Variants in S100PBP observed in about 807,000 individuals in gnomAD.
The protein encoded by S100PBP is S100P binding protein.
In S100PBP, 15 loss-of-function variants were observed where a neutral mutation model predicts 39.9. The observed-to-expected ratio is 0.38, with a 90% CI of 0.25 to 0.58. S100PBP has a LOEUF of 0.58. Among genes scored for constraint, S100PBP ranks in the 20% least tolerant of loss-of-function variants. The pLI, the probability that S100PBP is intolerant of heterozygous loss-of-function variation, is 0.70. For missense variants in S100PBP, 504 were observed against 487.3 expected (o/e 1.03, Z -0.32); for synonymous variants, 178 against 180.3 (o/e 0.99, Z 0.10).
intron 5 of S100PBP, among the ~76,000 whole-genome samples, chr1:32,839,443 A>T (rs1159104511): frequency 6.6e-6 from 1 of 152,220 alleles, no homozygotes; most frequent in African/African-American, 2.4e-5. Context: ...ATGCATATGC[A>T]TCTACACGTA....
chr1:32,854,072 C>A (rs1223894265), intron 6 of S100PBP, among the ~76,000 whole-genome samples: 1 of 152,118 alleles, frequency 6.6e-6, no homozygotes, highest in South Asian at 2.1e-4. Flanking sequence ...TGTGGCTGTA[C>A]AAATTTATTC....
chr1:32,854,745 T>G (rs1475980603), intron 6 of S100PBP, among the ~76,000 whole-genome samples: 1 of 152,218 alleles, frequency 6.6e-6, no homozygotes, highest in Non-Finnish European at 1.5e-5. Flanking sequence ...AAGGCCTATA[T>G]GCTTTGGCCT....
At chr1:32,845,469 C>A (rs1335452276) in intron 5 of S100PBP, among the ~76,000 whole-genome samples, 1 of 151,962 alleles carries the variant, frequency 6.6e-6, no homozygotes, top group Non-Finnish European at 1.5e-5. Context: ...TGGTATCTCA[C>A]TGTTACCCAG....
intron 5 of S100PBP, 50 bp downstream of exon 5, chr1:32,830,117 T>G (rs754117849): frequency 6.0e-6 from 7 of 1,161,636 alleles, no homozygotes; most frequent in Middle Eastern, 1.9e-4. Context: ...TGTGACTTTC[T>G]CTTTCCGGTG....
Position 32,830,037 on chromosome 1 carries a change from C to T in S100PBP, c.994C>T (p.His332Tyr). Residue 332 changes from histidine (H) to tyrosine (Y), a missense_variant, in exon 5 of 7, where the codon CAT becomes TAT. Coordinates refer to ENST00000373475, the MANE Select transcript of S100PBP (RefSeq NM_022753.4). ...KQLYLRSVIA[H>Y]IEDPEDTNQG... ...GCTTTATCTCAGGAGTGTCATTGCT[C>T]ATATAGAAGACCCAGAGGACACTAA... The T allele has an allele frequency of 6.2e-7, 1 of 1,613,026 alleles. No homozygotes were observed. Among genetic ancestry groups the T allele is most frequent in the Non-Finnish European group, 8.5e-7 (1 of 1,179,116 alleles).
chr1:32,856,413 T>A lies in S100PBP; in HGVS notation c.*375T>A, dbSNP rs956368987. 2 of 158,414 alleles carry A rather than the reference T, an allele frequency of 1.3e-5. No homozygotes were observed. The highest frequency in any genetic ancestry group is 4.8e-5 in the African/African-American group (2 of 41,510). 9.8% of individuals were successfully genotyped at this position (158,414 alleles called of 1,614,324 possible). ...TCTACTTTCTGGTACCTCAAAGAAA[T>A]CATTGTTCAATCTTCCATAAGGAAG... On this transcript the variant is annotated 3_prime_UTR_variant, in exon 7 of 7. Transcript: ENST00000373475.
chr1:32,826,142 T>G lies in S100PBP; in HGVS notation c.43T>G (p.Ser15Ala). 3 of 1,613,982 alleles carry G rather than the reference T, an allele frequency of 1.9e-6. No individual in the cohort carries two copies. The highest frequency in any genetic ancestry group is 2.5e-6 in the Non-Finnish European group (3 of 1,179,916). ...GCCCTCTGAACAGTCTTCTGGTACC[T>G]CTCTCTTGCCTAAAGACGGTGCCCC... Reference protein sequence around the residue: ...RVPSEQSSGTSLLPKDGAPFS... With the variant: ...RVPSEQSSGTALLPKDGAPFS... The change falls in exon 3 of 7, where the codon TCT (serine) becomes GCT (alanine). Residue 15 changes from serine (S) to alanine (A), a missense_variant. By Grantham distance (99) the Ser-to-Ala change is moderately conservative (BLOSUM62 1). Transcript: ENST00000373475.
At chr1:32,851,841 A>C (rs1024852730) in intron 5 of S100PBP, among the ~76,000 whole-genome samples, 1 of 152,032 alleles carries the variant, frequency 6.6e-6, no homozygotes, top group Non-Finnish European at 1.5e-5. Context: ...GTTTTACAAT[A>C]CCTCCAGTTG....
intron 4 of S100PBP, among the ~76,000 whole-genome samples, chr1:32,829,058 C>G (rs765387081): frequency 2.6e-5 from 4 of 152,156 alleles, no homozygotes. Context: ...ACTATCATCC[C>G]GAATCCCAGT....
chr1:32,850,757 CAGT>C (rs1640575831), intron 5 of S100PBP, among the ~76,000 whole-genome samples: 1 of 152,106 alleles, frequency 6.6e-6, no homozygotes. Context: ...GCTTTTTTAA[CAGT>C]AGAGAAACTT....
chr1:32,827,470 C>A (rs1294965681), intron 3 of S100PBP, among the ~76,000 whole-genome samples: 3 of 152,030 alleles, frequency 2.0e-5, no homozygotes, highest in Non-Finnish European at 4.4e-5. Context: ...GTGTAATAAT[C>A]CCTGCCACGT....
At chr1:32,850,964 GCA>G (rs1172894842) in intron 5 of S100PBP, among the ~76,000 whole-genome samples, 1 of 152,184 alleles carries the variant, frequency 6.6e-6, no homozygotes, top group Admixed American at 6.5e-5. Flanking sequence ...ACCACTCACT[GCA>G]CACACGCTGT....
At chr1:32,847,809 C>G (rs1640444731) in intron 5 of S100PBP, 1 of 152,014 alleles carries the variant, frequency 6.6e-6, no homozygotes, top group Non-Finnish European at 1.5e-5. Context: ...TAGCCCATGT[C>G]CCCTGTAGCA....
At chr1:32,817,434 A>G (rs1638784295), upstream of S100PBP, 2 of 684,762 alleles carry the variant, frequency 2.9e-6, no homozygotes, top group African/African-American at 1.8e-5. Context: ...CAGAGAGTCG[A>G]GCAGGTCGAT....
At chr1:32,833,390 C>CT (rs1639684977) in intron 5 of S100PBP, among the ~76,000 whole-genome samples, 2 of 146,802 alleles carry the variant, frequency 1.4e-5, no homozygotes, top group African/African-American at 5.1e-5. Flanking sequence ...TTTTTGGAGA[C>CT]AGAGTCTGCT....
intron 5 of S100PBP, among the ~76,000 whole-genome samples, chr1:32,837,490 G>A (rs1172105853): frequency 2.1e-5 from 3 of 144,364 alleles, no homozygotes; most frequent in Non-Finnish European, 4.6e-5. Context: ...ACTTGAACCC[G>A]GGAGGTGGAG....
chr1:32,844,466 G>A (rs1166537383), intron 5 of S100PBP, among the ~76,000 whole-genome samples: 1 of 152,128 alleles, frequency 6.6e-6, no homozygotes. Flanking sequence ...AGGTTACAGA[G>A]CAAACCCTGT....
rs1250771481 is a variant in S100PBP, at chr1:32,856,902, C to T, written c.*864C>T. The T allele has an allele frequency of 1.3e-5, 2 of 152,134 alleles. No homozygotes were observed. The highest frequency in any genetic ancestry group is 2.9e-5 in the Non-Finnish European group (2 of 68,024). The allele number at this position is 152,134 out of a possible 1,614,324, so 9.4% of individuals were successfully genotyped here. A position where few individuals can be genotyped will look rare whatever the true frequency, so the allele number is the denominator to read the frequency against. On this transcript the variant is annotated 3_prime_UTR_variant, in exon 7 of 7. Transcript: ENST00000373475. ...GGCAGTATTCTTGTAACCTGTTAGA[C>T]GTGGATATACCTCTTCAGGATGGCC...
chr1:32,853,507 G>A (rs1191277563), intron 6 of S100PBP, among the ~76,000 whole-genome samples: 4 of 150,674 alleles, frequency 2.7e-5, no homozygotes, highest in East Asian at 3.9e-4. Flanking sequence ...GGGGGGGCGC[G>A]TGAAATTTGG....
Sources: allele counts gnomAD v4.1 joint callset (sites outside exome capture counted in the v4.1 genomes callset), GRCh38; gene constraint gnomAD v4.1.1; transcripts MANE v1.5; gene names NCBI Gene and HGNC (gene_info 2026-07-23, HGNC 2026-07-21).